The following MYO10 variants were observed in gnomAD, a reference collection of about 807,000 sequenced individuals.
MYO10 encodes the protein unconventional myosin-X.
A neutral mutation model predicts 257.3 loss-of-function variants in MYO10; 133 were observed. That is an observed-to-expected ratio of 0.52 (90% confidence interval 0.45 to 0.60). The LOEUF is 0.60. Among genes scored for constraint, MYO10 ranks in the 20% least tolerant of loss-of-function variants. The probability of loss-of-function intolerance (pLI) is 0.00; values close to 1 mark genes in which losing one functional copy is unlikely to be tolerated. For missense variants in MYO10, 2,399 were observed against 2,635.7 expected (o/e 0.91, Z 1.97); for synonymous variants, 1,104 against 1,028.6 (o/e 1.07, Z -1.40).
In MYO10 at chr5:16,812,570, T is replaced by G. The variant is rs529799847; in HGVS notation, c.279+5439A>C. ...CAAGGCCATGTGCTGTGAGCTGGCCTTGGTGTTATCTCCCCACTAAATTGC... is the reference window on the plus strand; with the variant it reads ...CAAGGCCATGTGCTGTGAGCTGGCCGTGGTGTTATCTCCCCACTAAATTGC... On this transcript the variant is annotated intron_variant, in intron 3 of 40. Coordinates refer to ENST00000513610, the MANE Select transcript of MYO10 (RefSeq NM_012334.3). 7.9e-5 allele frequency among the ~76,000 whole-genome samples: 12 copies of G among 152,342 alleles called. No individual in the cohort carries two copies. The East Asian group carries it at 2.3e-3, about 29-fold the overall frequency.
At chr5:16,856,457 G>A (rs1743962364) in intron 2 of MYO10, among the ~76,000 whole-genome samples, 1 of 152,052 alleles carries the variant, frequency 6.6e-6, no homozygotes, top group South Asian at 2.1e-4. Context: ...GGCCAAGGCA[G>A]GAGAATCGCT....
chr5:16,762,144 A>G (rs1035009033), intron 15 of MYO10, 31 bp from the exon 16 acceptor site: 5 of 1,301,824 alleles, frequency 3.8e-6, no homozygotes, highest in Admixed American at 3.5e-5. Flanking sequence ...AAAAAAAAAA[A>G]TACAATGCCT....
chr5:16,751,511 T>C (rs1183074760), intron 19 of MYO10, among the ~76,000 whole-genome samples: 1 of 152,094 alleles, frequency 6.6e-6, no homozygotes, highest in Non-Finnish European at 1.5e-5. Flanking sequence ...AGACAGAGTC[T>C]CACTCTGTCG....
chr5:16,838,642 A>G (rs552775313), intron 2 of MYO10, among the ~76,000 whole-genome samples: 1 of 152,322 alleles, frequency 6.6e-6, no homozygotes, highest in Admixed American at 6.5e-5. Context: ...AGGTGGCTAC[A>G]CTAAAAAGGT....
At chr5:16,889,188 TTAAA>T (rs771559389) in intron 1 of MYO10, among the ~76,000 whole-genome samples, 2,622 of 136,114 alleles carry the variant, frequency 0.019, 40 homozygotes, top group Middle Eastern at 0.049. Flanking sequence ...TTAAAAAAAT[TTAAA>T]AAAAAAAAAA....
chr5:16,719,989 C>CGTGCGTGTGTGTGTGT (rs1554039262), intron 19 of MYO10, among the ~76,000 whole-genome samples: 21 of 143,556 alleles, frequency 1.5e-4, no homozygotes, highest in African/African-American at 5.2e-4. Context: ...TGTGTGCGTG[C>CGTGCGTGTGTGTGTGT]GTGTGTGTGT....
chr5:16,701,488 G>A lies in MYO10; in HGVS notation c.2907C>T (p.Ser969=), dbSNP rs774538852. 20 of 1,613,764 alleles carry A rather than the reference G, an allele frequency of 1.2e-5. No homozygotes were observed. The highest frequency in any genetic ancestry group is 1.6e-4 in the Middle Eastern group (1 of 6,084). The change falls in exon 25 of 41, where the codon AGC becomes AGT. Residue 969 remains serine (S), a synonymous_variant. Coordinates refer to ENST00000513610, the MANE Select transcript of MYO10 (RefSeq NM_012334.3). The surrounding 1 kb of genome is among the most constrained non-coding windows in gnomAD (Gnocchi z 8.1). ...RSLSVGSEFS[S]ELAESACEEK... ...CCTCGCATGCGCTCTCAGCCAGCTC[G>A]CTGGAAAATTCGCTTCCCACCGACA... is the stretch of plus-strand genomic sequence containing the variant.
At chr5:16,881,451 G>T (rs114063011) in intron 1 of MYO10, among the ~76,000 whole-genome samples, 3,716 of 152,204 alleles carry the variant, frequency 0.024, 59 homozygotes, top group Middle Eastern at 0.038. Context: ...CAGTCCAAAG[G>T]TCTTCTCCAA....
chr5:16,697,337 G>C (rs538281528), intron 26 of MYO10, among the ~76,000 whole-genome samples: 1 of 152,166 alleles, frequency 6.6e-6, no homozygotes, highest in Admixed American at 6.5e-5. Context: ...CAAAAGAAAA[G>C]ACGTGGAAAA....
chr5:16,743,942 AG>A (rs903458184), intron 19 of MYO10, among the ~76,000 whole-genome samples: 1 of 152,170 alleles, frequency 6.6e-6, no homozygotes, highest in African/African-American at 2.4e-5. Context: ...ATGGTGGTGG[AG>A]GGGGGCAGTG....
chr5:16,872,516 T>C (rs1378514258), intron 2 of MYO10, among the ~76,000 whole-genome samples: 1 of 152,194 alleles, frequency 6.6e-6, no homozygotes, highest in Non-Finnish European at 1.5e-5. Context: ...AAGTTAATGT[T>C]ATGTGATTCT....
At chr5:16,839,847 A>G (rs1743421904) in intron 2 of MYO10, among the ~76,000 whole-genome samples, 1 of 152,214 alleles carries the variant, frequency 6.6e-6, no homozygotes, top group Admixed American at 6.5e-5. Context: ...AGGCTAGGCT[A>G]GGCTATGGCG....
At chr5:16,738,589 AAAC>A (rs952885071) in intron 19 of MYO10, among the ~76,000 whole-genome samples, 18 of 152,180 alleles carry the variant, frequency 1.2e-4, no homozygotes, top group South Asian at 4.2e-4. Context: ...AAAGTTAAAA[AAAC>A]AACAACAACA....
intron 19 of MYO10, among the ~76,000 whole-genome samples, chr5:16,730,370 A>G (rs1209643000): frequency 6.6e-6 from 1 of 152,236 alleles, no homozygotes; most frequent in Non-Finnish European, 1.5e-5. Context: ...ATACCGGTAC[A>G]GTCTGTTGGT....
chr5:16,870,833 A>G (rs1431299346), intron 2 of MYO10, among the ~76,000 whole-genome samples: 1 of 152,198 alleles, frequency 6.6e-6, no homozygotes, highest in Non-Finnish European at 1.5e-5. Context: ...CGGAGGCTGC[A>G]GTAAGCCGAG....
In MYO10 at chr5:16,675,190, T is replaced by C. The variant is rs755657219; in HGVS notation, c.4667-40A>G. 26 of 1,602,914 alleles carry C rather than the reference T, an allele frequency of 1.6e-5. No individual in the cohort carries two copies. In the South Asian group the frequency reaches 1.7e-4, roughly 10 times the overall value. ...ACAAACACGGAACTCATCTGAGGGGTTCAGAATAGGGCATGAGCATAATCG... is the reference window on the plus strand; with the variant it reads ...ACAAACACGGAACTCATCTGAGGGGCTCAGAATAGGGCATGAGCATAATCG... On this transcript the variant is annotated intron_variant, in intron 34 of 40. Transcript: ENST00000513610.
intron 2 of MYO10, among the ~76,000 whole-genome samples, chr5:16,840,225 C>T (rs146970801): frequency 2.0e-5 from 3 of 152,236 alleles, no homozygotes; most frequent in Admixed American, 1.3e-4. Flanking sequence ...CCAGCCTGAA[C>T]AACATGGTGA....
At chr5:16,870,900 C>A (rs76561116) in intron 2 of MYO10, among the ~76,000 whole-genome samples, 10 of 151,544 alleles carry the variant, frequency 6.6e-5, no homozygotes, top group South Asian at 6.2e-4. Context: ...CACACACACA[C>A]AAAAAAAATT....
chr5:16,836,583 A>C (rs1743319960), intron 2 of MYO10, among the ~76,000 whole-genome samples: 1 of 152,220 alleles, frequency 6.6e-6, no homozygotes, highest in Admixed American at 6.5e-5. Flanking sequence ...CACCTTGCGG[A>C]TATCTGAAAA....
Sources: allele counts gnomAD v4.1 joint callset (sites outside exome capture counted in the v4.1 genomes callset), GRCh38; gene constraint gnomAD v4.1.1; non-coding constraint Gnocchi (gnomAD v3.1); transcripts MANE v1.5; gene names NCBI Gene and HGNC (gene_info 2026-07-23, HGNC 2026-07-21).